The following CHP1 variants were observed in gnomAD, a reference collection of about 807,000 sequenced individuals.
CHP1 encodes calcineurin like EF-hand protein 1.
CHP1 carries 11 observed loss-of-function variants against 27.4 expected under a neutral mutation model. The observed-to-expected ratio is 0.40, with a 90% CI of 0.25 to 0.67. The LOEUF is 0.67. Among genes scored for constraint, CHP1 ranks in the 30% least tolerant of loss-of-function variants. CHP1 has a pLI of 0.38. For synonymous variants in CHP1, 89 were observed against 87.4 expected (o/e 1.02, Z -0.10); for missense variants, 169 against 251.3 (o/e 0.67, Z 2.22).
chr15:41,255,511 A>G (rs1280644026), intron 2 of CHP1, among the ~76,000 whole-genome samples: 1 of 151,818 alleles, frequency 6.6e-6, no homozygotes, highest in African/African-American at 2.4e-5. Flanking sequence ...CACCTCTACT[A>G]AAAATACAAA....
At chr15:41,274,515 A>C (rs2047508965) in intron 5 of CHP1, among the ~76,000 whole-genome samples, 1 of 152,036 alleles carries the variant, frequency 6.6e-6, no homozygotes, top group Non-Finnish European at 1.5e-5. Context: ...TAGCCTTCCA[A>C]GTAGGTGGGT....
In CHP1 at chr15:41,280,285, G is replaced by C. The variant is rs2047538912; in HGVS notation, c.*896G>C. 2.6e-5 allele frequency: 4 copies of C among 152,440 alleles called. No homozygotes were observed. In the Admixed American group the frequency reaches 2.6e-4, roughly 10 times the overall value. The allele number at this position is 152,440 out of a possible 1,614,324, so 9.4% of individuals were successfully genotyped here. ...TATGCTTACAGGTTTGCTTAGTTTG[G>C]GGACACCGTTACCACCAGAATGGCT... is the stretch of plus-strand genomic sequence containing the variant. On this transcript the variant is annotated 3_prime_UTR_variant, in exon 7 of 7. Transcript: ENST00000334660.
At chr15:41,274,618 A>G (rs926123748) in intron 5 of CHP1, among the ~76,000 whole-genome samples, 1 of 151,886 alleles carries the variant, frequency 6.6e-6, no homozygotes, top group African/African-American at 2.4e-5. Context: ...GACTCACACT[A>G]TAGATACCCA....
chr15:41,270,984 T>G (rs1393909169), intron 5 of CHP1, among the ~76,000 whole-genome samples: 1 of 151,956 alleles, frequency 6.6e-6, no homozygotes, highest in Non-Finnish European at 1.5e-5. Flanking sequence ...GGCCGGGCGC[T>G]TTGGCTCACA....
chr15:41,266,103 G>C (rs2047458761), intron 4 of CHP1, among the ~76,000 whole-genome samples: 1 of 152,118 alleles, frequency 6.6e-6, no homozygotes, highest in Non-Finnish European at 1.5e-5. Flanking sequence ...GACCAACATG[G>C]TGAAACCATG....
At chr15:41,258,054 CCT>C (rs941572058) in intron 3 of CHP1, among the ~76,000 whole-genome samples, 1 of 152,148 alleles carries the variant, frequency 6.6e-6, no homozygotes, top group Non-Finnish European at 1.5e-5. Context: ...CTCTCTTTCC[CCT>C]CTCTCTACCT....
At chr15:41,262,025 C>T (rs1004008334) in intron 3 of CHP1, among the ~76,000 whole-genome samples, 2 of 148,558 alleles carry the variant, frequency 1.3e-5, no homozygotes, top group African/African-American at 2.5e-5. Context: ...AAAAATTAGC[C>T]GGGCATGGTG....
chr15:41,247,050 G>A (rs1014406949), intron 2 of CHP1, among the ~76,000 whole-genome samples: 2 of 151,432 alleles, frequency 1.3e-5, no homozygotes, highest in Admixed American at 6.6e-5. Flanking sequence ...CTTTCCAGGC[G>A]TCAGTGTAGC....
In CHP1 at chr15:41,279,316, T is replaced by C. The variant is rs1406518163; in HGVS notation, c.535-20T>C. ...GTAATCTTCATAACCTTTGTAACTG[T>C]TACTGGTTTTCTCCCCCAGGTTTTG... On this transcript the variant is annotated intron_variant, in intron 6 of 6. Coordinates refer to ENST00000334660, the MANE Select transcript of CHP1 (RefSeq NM_007236.5). 2 of 1,602,314 alleles carry C rather than the reference T, an allele frequency of 1.2e-6. No homozygotes were observed.
intron 5 of CHP1, among the ~76,000 whole-genome samples, chr15:41,275,171 G>A (rs11857631): frequency 2.7e-5 from 4 of 150,840 alleles, no homozygotes; most frequent in Admixed American, 6.6e-5. Flanking sequence ...CTTTTTTTTC[G>A]TTTGAGAGGG....
rs141654968 is a variant in CHP1, at chr15:41,246,412, C to T, written c.140+2673C>T. On this transcript the variant is annotated intron_variant, in intron 2 of 6. Transcript: ENST00000334660. ...TCGGCTCACTGCAACCTCTGCCTCC[C>T]GGGTTCAAGTGATTCTCCTGCCTCA... Among the ~76,000 whole-genome samples the T allele has an allele frequency of 4.3e-3, 642 of 150,092 alleles. 4 individuals are homozygous for T. Among genetic ancestry groups the T allele is most frequent in the South Asian group, 0.023 (108 of 4,718 alleles).
intron 4 of CHP1, among the ~76,000 whole-genome samples, chr15:41,269,742 AT>A (rs2047479627): frequency 6.6e-6 from 1 of 152,084 alleles, no homozygotes; most frequent in Non-Finnish European, 1.5e-5. Context: ...GCAGCACTCT[AT>A]TTAAGACCCT....
intron 4 of CHP1, among the ~76,000 whole-genome samples, chr15:41,264,985 G>T (rs2047452964): frequency 6.6e-6 from 1 of 152,082 alleles, no homozygotes; most frequent in African/African-American, 2.4e-5. Flanking sequence ...GCTGTAGCAT[G>T]GTGCCTCTTA....
At chr15:41,249,462 C>CTTT (rs1163537727) in intron 2 of CHP1, among the ~76,000 whole-genome samples, 21 of 78,530 alleles carry the variant, frequency 2.7e-4, no homozygotes, top group South Asian at 5.3e-4. Flanking sequence ...CCTTCACCTT[C>CTTT]TTTTTTTTTT....
At chr15:41,245,752 G>A (rs1254184983) in intron 2 of CHP1, among the ~76,000 whole-genome samples, 1 of 152,176 alleles carries the variant, frequency 6.6e-6, no homozygotes, top group Non-Finnish European at 1.5e-5. Flanking sequence ...GGTCATATGA[G>A]TTGTCTTTTC....
chr15:41,233,384 T>G (rs2047262081), intron 1 of CHP1, among the ~76,000 whole-genome samples: 1 of 152,176 alleles, frequency 6.6e-6, no homozygotes, highest in Non-Finnish European at 1.5e-5. Flanking sequence ...CTGGTTTATA[T>G]ACATTTGACC....
intron 5 of CHP1, among the ~76,000 whole-genome samples, chr15:41,274,630 A>G (rs144103424): frequency 6.4e-4 from 97 of 152,108 alleles, no homozygotes; most frequent in African/African-American, 2.3e-3. Flanking sequence ...AGATACCCAT[A>G]CATAATCCAG....
intron 4 of CHP1, among the ~76,000 whole-genome samples, chr15:41,265,724 A>G (rs1021156425): frequency 6.6e-6 from 1 of 151,750 alleles, no homozygotes; most frequent in Non-Finnish European, 1.5e-5. Flanking sequence ...AAAAAAAAAA[A>G]GAAATGTGGG....
At chr15:41,246,405 T>C (rs1358565034) in intron 2 of CHP1, among the ~76,000 whole-genome samples, 3 of 150,592 alleles carry the variant, frequency 2.0e-5, no homozygotes, top group African/African-American at 7.3e-5. Context: ...CTGCAACCTC[T>C]GCCTCCCGGG....
Sources: allele counts gnomAD v4.1 joint callset (sites outside exome capture counted in the v4.1 genomes callset), GRCh38; gene constraint gnomAD v4.1.1; transcripts MANE v1.5; gene names NCBI Gene and HGNC (gene_info 2026-07-23, HGNC 2026-07-21).